Variants in TMEM135 observed in about 807,000 individuals in gnomAD.
TMEM135 encodes the protein peroxisomal membrane protein 52.
A neutral mutation model predicts 60.3 loss-of-function variants in TMEM135; 30 were observed. That is an observed-to-expected ratio of 0.50 (90% CI 0.37 to 0.68). TMEM135 has a LOEUF of 0.68. TMEM135 is among the 30% of genes least tolerant of loss of function. TMEM135 has a pLI of 0.00. For missense variants in TMEM135, 468 were observed against 548.8 expected, an observed-to-expected ratio of 0.85 and a Z score of 1.47; for synonymous variants, 190 against 186.7, an observed-to-expected ratio of 1.02 and a Z score of -0.14.
At chr11:87,285,470 C>A (rs1942146713) in intron 6 of TMEM135, among the ~76,000 whole-genome samples, 1 of 152,106 alleles carries the variant, frequency 6.6e-6, no homozygotes, top group African/African-American at 2.4e-5. Context: ...CATGGACTCA[C>A]TGGCTTCAGG....
At chr11:87,317,055 T>C (rs1272826736) in intron 12 of TMEM135, among the ~76,000 whole-genome samples, 2 of 152,020 alleles carry the variant, frequency 1.3e-5, no homozygotes, top group Non-Finnish European at 2.9e-5. Flanking sequence ...GACCATTGTT[T>C]TCTAGGAACC....
chr11:87,289,641 G>A (rs1481584372), intron 6 of TMEM135, among the ~76,000 whole-genome samples: 1 of 151,738 alleles, frequency 6.6e-6, no homozygotes, highest in Non-Finnish European at 1.5e-5. Flanking sequence ...ATTTTTGTTA[G>A]AGACGGGTTT....
chr11:87,274,523 T>C (rs1047257372), intron 6 of TMEM135, among the ~76,000 whole-genome samples: 1 of 152,216 alleles, frequency 6.6e-6, no homozygotes, highest in Admixed American at 6.5e-5. Context: ...ATGCTAAATA[T>C]CTTCTTGTGC....
At chr11:87,308,534 C>G (rs1942589447) in intron 9 of TMEM135, among the ~76,000 whole-genome samples, 1 of 151,940 alleles carries the variant, frequency 6.6e-6, no homozygotes, top group Admixed American at 6.6e-5. Context: ...AGCTGCAGTC[C>G]AGAAAATACA....
chr11:87,101,333 T>C (rs1243528854), intron 4 of TMEM135, among the ~76,000 whole-genome samples: 1 of 152,228 alleles, frequency 6.6e-6, no homozygotes, highest in Non-Finnish European at 1.5e-5. Flanking sequence ...TTGCATGATT[T>C]TCCTTTATTA....
At chr11:87,166,338 G>T (rs138598673) in intron 5 of TMEM135, among the ~76,000 whole-genome samples, 17,622 of 151,694 alleles carry the variant, frequency 0.12, 1,447 homozygotes, top group Non-Finnish European at 0.17. Flanking sequence ...TTTGGCTTTT[G>T]TTGCCATTGC....
intron 4 of TMEM135, among the ~76,000 whole-genome samples, chr11:87,116,808 A>G (rs1195037723): frequency 6.6e-6 from 1 of 151,692 alleles, no homozygotes; most frequent in East Asian, 1.9e-4. Flanking sequence ...TTGTAGTTTT[A>G]TGTGCAAAGC....
chr11:87,172,980 T>G (rs1372044540), intron 5 of TMEM135, among the ~76,000 whole-genome samples: 2 of 152,054 alleles, frequency 1.3e-5, no homozygotes, highest in East Asian at 3.9e-4. Context: ...TTATTACACT[T>G]AATTTTAATA....
intron 6 of TMEM135, among the ~76,000 whole-genome samples, chr11:87,263,690 G>A (rs978563203): frequency 5.9e-5 from 9 of 152,086 alleles, no homozygotes; most frequent in African/African-American, 2.2e-4. Flanking sequence ...GGGTTTTAGA[G>A]TATGAAGCAA....
At chr11:87,067,600 T>A (rs1458728217) in intron 1 of TMEM135, 94 bp from the exon 2 acceptor site, 5 of 1,529,914 alleles carry the variant, frequency 3.3e-6, no homozygotes, top group Non-Finnish European at 4.5e-6. Flanking sequence ...CTTTAACTTA[T>A]AAATATATGC....
intron 5 of TMEM135, among the ~76,000 whole-genome samples, chr11:87,182,306 G>C (rs936203826): frequency 3.3e-5 from 5 of 152,080 alleles, no homozygotes; most frequent in African/African-American, 1.2e-4. Context: ...TCTTTTGATT[G>C]TGTTTAAGTT....
chr11:87,121,281 G>A (rs1858048947), intron 4 of TMEM135: 1 of 152,058 alleles, frequency 6.6e-6, no homozygotes, highest in African/African-American at 2.4e-5. Context: ...AATATTTATT[G>A]TACACCTATG....
At chr11:87,303,320 G>T (rs1160115894) in intron 8 of TMEM135, among the ~76,000 whole-genome samples, 1 of 152,112 alleles carries the variant, frequency 6.6e-6, no homozygotes, top group East Asian at 1.9e-4. Context: ...GATGTGGGGT[G>T]GAACAGTTTC....
intron 4 of TMEM135, among the ~76,000 whole-genome samples, chr11:87,127,393 T>C (rs1214398437): frequency 6.6e-6 from 1 of 152,202 alleles, no homozygotes; most frequent in Admixed American, 6.5e-5. Context: ...TCAAGATTCA[T>C]GGCCTCCAGG....
At chr11:87,076,393 T>C (rs1442881043) in intron 3 of TMEM135, among the ~76,000 whole-genome samples, 2 of 152,134 alleles carry the variant, frequency 1.3e-5, no homozygotes, top group African/African-American at 4.8e-5. Flanking sequence ...AGTCAGCCTG[T>C]AGTAAATGCT....
At chr11:87,232,007 A>C (rs1324597918) in intron 5 of TMEM135, among the ~76,000 whole-genome samples, 5 of 151,284 alleles carry the variant, frequency 3.3e-5, no homozygotes, top group African/African-American at 1.2e-4. Context: ...GCTGGAGTGC[A>C]GTGGTGCAAT....
At position 87,326,924 on chromosome 11, in the gene TMEM135, T is replaced by C. The variant is rs1290965926; in HGVS notation, c.*5591T>C. The stretch of plus-strand genomic sequence containing the variant: ...TCATCTGAGGACCTTTTTTTTTTTT[T>C]TTTTTTCACTAAAACGCTTCCTATA... On this transcript the variant is annotated 3_prime_UTR_variant, in exon 15 of 15. Coordinates refer to ENST00000305494, the MANE Select transcript of TMEM135 (RefSeq NM_022918.4). 1.6e-5 allele frequency: 7 copies of C among 434,132 alleles called. No individual in the cohort carries two copies. Among genetic ancestry groups the C allele is most frequent in the East Asian group, 1.4e-4 (2 of 14,316 alleles). 26.9% of individuals were successfully genotyped at this position (434,132 alleles called of 1,614,324 possible). A position where few individuals can be genotyped will look rare whatever the true frequency, so the allele number is the denominator to read the frequency against.
At chr11:87,041,460 T>G (rs1458438896) in intron 1 of TMEM135, among the ~76,000 whole-genome samples, 1 of 152,156 alleles carries the variant, frequency 6.6e-6, no homozygotes, top group Non-Finnish European at 1.5e-5. Flanking sequence ...GAGAAATTGA[T>G]GCAGCAATTT....
intron 6 of TMEM135, among the ~76,000 whole-genome samples, chr11:87,280,702 G>A (rs762302321): frequency 6.6e-6 from 1 of 152,108 alleles, no homozygotes; most frequent in Non-Finnish European, 1.5e-5. Context: ...TATACCTTCT[G>A]GATTGTGAAT....
Sources: allele counts gnomAD v4.1 joint callset (sites outside exome capture counted in the v4.1 genomes callset), GRCh38; gene constraint gnomAD v4.1.1; transcripts MANE v1.5; gene names NCBI Gene and HGNC (gene_info 2026-07-23, HGNC 2026-07-21).